DTX1: variants seen among roughly 807,000 people sequenced by gnomAD.
DTX1 encodes deltex E3 ubiquitin ligase 1.
DTX1 carries 26 observed loss-of-function variants against 57.8 expected under a neutral mutation model. The observed-to-expected ratio is 0.45, with a 90% CI of 0.33 to 0.62. The LOEUF (loss-of-function observed/expected upper bound fraction) is 0.62. Among genes scored for constraint, DTX1 ranks in the 20% least tolerant of loss-of-function variants. DTX1 has a pLI of 0.02. For missense variants in DTX1, 704 were observed against 895.3 expected, an observed-to-expected ratio of 0.79 and a Z score of 2.73; for synonymous variants, 398 against 394.1, an observed-to-expected ratio of 1.01 and a Z score of -0.12.
rs2044742116 is a variant in DTX1 at position 113,072,214 on chromosome 12, G to A, written c.260-5210G>A. Among the ~76,000 whole-genome samples the A allele has an allele frequency of 2.6e-5, 4 of 152,218 alleles. No homozygotes were observed. The South Asian group carries it at 8.3e-4, about 31-fold the overall frequency. ...CGTCTCGCTTGCAGATGTCTTCTTTGCACCAGGCTTTGTGCCTGGTGCTCC... is the reference window on the plus strand; with the variant it reads ...CGTCTCGCTTGCAGATGTCTTCTTTACACCAGGCTTTGTGCCTGGTGCTCC... On this transcript the variant is annotated intron_variant, in intron 2 of 9. Coordinates refer to ENST00000548759, the MANE Select transcript of DTX1 (RefSeq NM_004416.3).
At chr12:113,057,169 C>T (rs1166927984) in intron 1 of DTX1, among the ~76,000 whole-genome samples, 1 of 151,972 alleles carries the variant, frequency 6.6e-6, no homozygotes, top group Middle Eastern at 3.2e-3. Context: ...CCCAGCGCAC[C>T]CGGCATCCCC....
Position 113,077,357 on chromosome 12 carries a change from G to T in DTX1, c.260-67G>T. On this transcript the variant is annotated intron_variant, in intron 2 of 9. Coordinates refer to ENST00000548759, the MANE Select transcript of DTX1 (RefSeq NM_004416.3). This position sits in a 1 kb window ranked among gnomAD's most constrained non-coding sequence, Gnocchi z 7.8. ...TCCCGCCCACCCTTGCCTGGCTGTG[G>T]CCCGCCCTTCCAGCCGCGCAGACCA... 6.6e-7 allele frequency: 1 copy of T among 1,518,722 alleles called. No homozygotes were observed. The allele number at this position is 1,518,722 out of a possible 1,614,324, so 94.1% of individuals were successfully genotyped here. A position where few individuals can be genotyped will look rare whatever the true frequency, so the allele number is the denominator to read the frequency against.
At chr12:113,086,106 A>C (rs1381612215) in intron 3 of DTX1, among the ~76,000 whole-genome samples, 1 of 152,098 alleles carries the variant, frequency 6.6e-6, no homozygotes, top group Non-Finnish European at 1.5e-5. Context: ...CACCTTTACA[A>C]AATTTTTTTA....
At chr12:113,081,210 G>A (rs1230113132) in intron 3 of DTX1, among the ~76,000 whole-genome samples, 1 of 152,018 alleles carries the variant, frequency 6.6e-6, no homozygotes, top group African/African-American at 2.4e-5. Context: ...GAGCATGGTG[G>A]TACACACCTG....
chr12:113,095,529 A>T (rs1300573605), intron 9 of DTX1, 115 bp downstream of exon 9: 2 of 1,359,030 alleles, frequency 1.5e-6, no homozygotes. Flanking sequence ...ATTCCTCCCA[A>T]AAGCAGCACC....
chr12:113,067,051 C>T (rs976718505), intron 2 of DTX1, among the ~76,000 whole-genome samples: 2 of 151,956 alleles, frequency 1.3e-5, no homozygotes, highest in Non-Finnish European at 2.9e-5. Flanking sequence ...AGGCCGGTGA[C>T]GGGGTGCATG....
chr12:113,093,548 G>A lies in DTX1; in HGVS notation c.1013G>A (p.Gly338Glu). 6.2e-7 allele frequency: 1 copy of A among 1,607,848 alleles called. No individual in the cohort carries two copies. Reference protein sequence around the residue: ...PVHPALAGMTGILLCAAGLPV... With the variant: ...PVHPALAGMTEILLCAAGLPV... Reference sequence around the variant, plus strand: ...GCCCCCTAACCCCCAGGGATGACCGGGATACTGCTGTGCGCGGCCGGGCTG... The same window carrying A: ...GCCCCCTAACCCCCAGGGATGACCGAGATACTGCTGTGCGCGGCCGGGCTG... The change falls in exon 5 of 10, where the codon GGG becomes GAG. Residue 338 changes from glycine (G) to glutamate (E), a missense_variant. Around this residue, in one of 3 missense-constraint regions of DTX1, gnomAD observed 299 missense variants for 311.2 expected, o/e 0.96. Coordinates refer to ENST00000548759, the MANE Select transcript of DTX1 (RefSeq NM_004416.3). This position sits in a 1 kb window ranked among gnomAD's most constrained non-coding sequence, Gnocchi z 4.2.
intron 3 of DTX1, among the ~76,000 whole-genome samples, chr12:113,090,288 A>T (rs543565074): frequency 1.3e-5 from 2 of 152,270 alleles, no homozygotes; most frequent in South Asian, 4.1e-4. Flanking sequence ...TTCCTATAAA[A>T]GTATAGAGAG....
chr12:113,094,300 C>A (rs1950269761), intron 6 of DTX1, among the ~76,000 whole-genome samples: 1 of 152,180 alleles, frequency 6.6e-6, no homozygotes, highest in African/African-American at 2.4e-5. Context: ...GTTTTTGTGT[C>A]ATTTTCACCC....
chr12:113,060,080 G>C (rs1049950536), intron 2 of DTX1, among the ~76,000 whole-genome samples: 1 of 152,192 alleles, frequency 6.6e-6, no homozygotes, highest in African/African-American at 2.4e-5. Flanking sequence ...CCCACAGAGT[G>C]CTTACCATGT....
intron 2 of DTX1, among the ~76,000 whole-genome samples, chr12:113,067,375 C>G (rs1188961874): frequency 1.3e-5 from 2 of 152,144 alleles, no homozygotes; most frequent in African/African-American, 4.8e-5. Context: ...TCACCTGGCC[C>G]TGTGGAAATG....
In DTX1 at chr12:113,093,502, G is replaced by T; in HGVS notation, c.1004-37G>T. 1 of 1,416,528 alleles carries T rather than the reference G, an allele frequency of 7.1e-7. No individual in the cohort carries two copies. The highest frequency in any genetic ancestry group is 9.4e-7 in the Non-Finnish European group (1 of 1,065,362). The allele number at this position is 1,416,528 out of a possible 1,614,324, so 87.7% of individuals were successfully genotyped here. ...AGTGGTCGGGGGTTTGGGCGGGGAT[G>T]GCGCCCCGCCCTGTGACTGCGCCCC... On this transcript the variant is annotated intron_variant, in intron 4 of 9. Coordinates refer to ENST00000548759, the MANE Select transcript of DTX1 (RefSeq NM_004416.3). This position sits in a 1 kb window ranked among gnomAD's most constrained non-coding sequence, Gnocchi z 4.2.
intron 2 of DTX1, among the ~76,000 whole-genome samples, chr12:113,059,544 C>T (rs1028241791): frequency 6.6e-6 from 1 of 152,044 alleles, no homozygotes; most frequent in African/African-American, 2.4e-5. Context: ...GATTTGTCAT[C>T]GTTGGGGAGA....
chr12:113,077,526 A>G lies in DTX1; in HGVS notation c.362A>G (p.Tyr121Cys). 2 of 1,613,704 alleles carry G rather than the reference A, an allele frequency of 1.2e-6. No individual in the cohort carries two copies. Among genetic ancestry groups the G allele is most frequent in the Non-Finnish European group, 1.7e-6 (2 of 1,179,910 alleles). Residue 121 changes from tyrosine to cysteine, a missense_variant, in exon 3 of 10, where the codon TAC (tyrosine) becomes TGC (cysteine). Tyr to Cys is a radical substitution (Grantham distance 194). Coordinates refer to ENST00000548759, the MANE Select transcript of DTX1 (RefSeq NM_004416.3). This position sits in a 1 kb window ranked among gnomAD's most constrained non-coding sequence, Gnocchi z 7.8. Reference sequence around the variant, plus strand: ...AACGACGGCGGCGCATGGACGGCCTACGATATGGACATCTGCATCACCATC... The same window carrying G: ...AACGACGGCGGCGCATGGACGGCCTGCGATATGGACATCTGCATCACCATC... Reference protein sequence around the residue: ...WENDGGAWTAYDMDICITIQN... With the variant: ...WENDGGAWTACDMDICITIQN...
Position 113,077,394 on chromosome 12 carries a change from G to T in DTX1, c.260-30G>T, listed in dbSNP as rs766633116. 1 of 1,571,566 alleles carries T rather than the reference G, an allele frequency of 6.4e-7. No homozygotes were observed. The highest frequency in any genetic ancestry group is 1.8e-5 in the Admixed American group (1 of 56,304). ...AGCCGCGCAGACCAACGCCCGCTGTGCTGACGCCTCCTCCCCATTTCGAGT... is the reference window on the plus strand; with the variant it reads ...AGCCGCGCAGACCAACGCCCGCTGTTCTGACGCCTCCTCCCCATTTCGAGT... On this transcript the variant is annotated intron_variant, in intron 2 of 9. Coordinates refer to ENST00000548759, the MANE Select transcript of DTX1 (RefSeq NM_004416.3). This position sits in a 1 kb window ranked among gnomAD's most constrained non-coding sequence, Gnocchi z 7.8.
chr12:113,070,647 G>A (rs1358984104), intron 2 of DTX1, among the ~76,000 whole-genome samples: 6 of 152,184 alleles, frequency 3.9e-5, no homozygotes, highest in Non-Finnish European at 7.4e-5. Flanking sequence ...GGTTCAGATC[G>A]GGACCATGCT....
At chr12:113,073,957 G>A (rs901194948) in intron 2 of DTX1, among the ~76,000 whole-genome samples, 3 of 152,168 alleles carry the variant, frequency 2.0e-5, no homozygotes, top group African/African-American at 4.8e-5. Context: ...ACAGCCTGGC[G>A]CAGTGGCTCA....
chr12:113,090,281 C>T (rs927679838), intron 3 of DTX1, among the ~76,000 whole-genome samples: 2 of 152,082 alleles, frequency 1.3e-5, no homozygotes, highest in Non-Finnish European at 2.9e-5. Context: ...CTATGCATTC[C>T]TATAAAAGTA....
chr12:113,070,648 G>A (rs1418892316), intron 2 of DTX1, among the ~76,000 whole-genome samples: 1 of 152,214 alleles, frequency 6.6e-6, no homozygotes, highest in Non-Finnish European at 1.5e-5. Context: ...GTTCAGATCG[G>A]GACCATGCTC....
Sources: gnomAD v4.1 joint callset for allele counts (sites outside exome capture counted in the v4.1 genomes callset) on GRCh38, gnomAD v4.1.1 for gene constraint, gnomAD v4.1.1 regional missense constraint, Gnocchi (gnomAD v3.1) non-coding constraint, MANE v1.5 for transcripts, NCBI Gene and HGNC (gene_info 2026-07-23, HGNC 2026-07-21) for gene names.